CNTN5: variants seen among roughly 807,000 people sequenced by gnomAD.
CNTN5 encodes the protein contactin 5.
A neutral mutation model predicts 129.1 loss-of-function variants in CNTN5; 77 were observed. The ratio of observed to expected loss-of-function variants is 0.60; its 90% CI spans 0.50 to 0.72. The LOEUF (loss-of-function observed/expected upper bound fraction) is 0.72, where lower values mean the gene tolerates loss of function less well. Among genes scored for constraint, CNTN5 ranks in the 30% least tolerant of loss-of-function variants. The pLI is 0.00. For missense variants in CNTN5, 1,478 were observed against 1,328.8 expected (o/e 1.11, Z -1.75); for synonymous variants, 509 against 465.6 (o/e 1.09, Z -1.20).
intron 13 of CNTN5, among the ~76,000 whole-genome samples, chr11:100,134,940 C>G (rs1025875833): frequency 1.3e-5 from 2 of 152,042 alleles, no homozygotes; most frequent in African/African-American, 4.8e-5. Flanking sequence ...ATTAACTCAT[C>G]TTTTTATACT....
At chr11:99,698,059 AGT>A (rs1954348881) in intron 3 of CNTN5, among the ~76,000 whole-genome samples, 1 of 132,106 alleles carries the variant, frequency 7.6e-6, no homozygotes, top group Non-Finnish European at 1.7e-5. Flanking sequence ...TTTATATGTT[AGT>A]GTTTTTTTTT....
intron 3 of CNTN5, among the ~76,000 whole-genome samples, chr11:99,744,543 TAAAAAA>T (rs553540845): frequency 8.0e-4 from 30 of 37,492 alleles, no homozygotes; most frequent in African/African-American, 1.8e-3. Context: ...TACAAAAAGT[TAAAAAA>T]AAAAAAAAAA....
chr11:99,894,815 G>A (rs915737220), intron 6 of CNTN5, among the ~76,000 whole-genome samples: 2 of 152,118 alleles, frequency 1.3e-5, no homozygotes, highest in Admixed American at 6.6e-5. Context: ...AAGTTACGTG[G>A]TTTTGGATTT....
At chr11:99,232,108 C>G (rs1446801794) in intron 1 of CNTN5, among the ~76,000 whole-genome samples, 1 of 152,088 alleles carries the variant, frequency 6.6e-6, no homozygotes, top group Non-Finnish European at 1.5e-5. Flanking sequence ...GCTCTTTTTG[C>G]TTAGGATTGT....
intron 9 of CNTN5, among the ~76,000 whole-genome samples, chr11:100,033,537 C>T (rs1367554921): frequency 6.6e-6 from 1 of 152,216 alleles, no homozygotes; most frequent in Non-Finnish European, 1.5e-5. Context: ...GTCTTCACCT[C>T]TTACCCTTCA....
At chr11:100,156,653 G>T (rs542289459) in intron 13 of CNTN5, among the ~76,000 whole-genome samples, 2 of 151,706 alleles carry the variant, frequency 1.3e-5, no homozygotes, top group South Asian at 4.2e-4. Flanking sequence ...TGGTTGGTAG[G>T]CTATTAATTT....
At chr11:99,723,765 TGTGTGTGCATGC>T (rs1259524968) in intron 3 of CNTN5, among the ~76,000 whole-genome samples, 3 of 152,158 alleles carry the variant, frequency 2.0e-5, no homozygotes, top group Non-Finnish European at 2.9e-5. Flanking sequence ...TGTGTGTATG[TGTGTGTGCATGC>T]GTGTGCATGC....
intron 9 of CNTN5, among the ~76,000 whole-genome samples, chr11:100,028,688 T>C (rs1446492006): frequency 2.0e-5 from 3 of 152,142 alleles, no homozygotes; most frequent in Admixed American, 6.6e-5. Flanking sequence ...CAACTGAAAA[T>C]AGATGGTAGA....
At chr11:99,897,192 C>T (rs184185912) in intron 6 of CNTN5, among the ~76,000 whole-genome samples, 136 of 151,952 alleles carry the variant, frequency 9.0e-4, no homozygotes, top group African/African-American at 3.2e-3. Context: ...TATTGGAATT[C>T]CTAAGAGAGA....
At chr11:100,280,877 G>A (rs1426601430) in intron 18 of CNTN5, among the ~76,000 whole-genome samples, 6 of 151,972 alleles carry the variant, frequency 3.9e-5, no homozygotes, top group Non-Finnish European at 5.9e-5. Flanking sequence ...CACGAGGTTT[G>A]CAAATACTGG....
chr11:99,117,947 C>A (rs747210837), intron 1 of CNTN5, among the ~76,000 whole-genome samples: 2 of 152,232 alleles, frequency 1.3e-5, no homozygotes, highest in South Asian at 2.1e-4. Context: ...GCAGCCCGAG[C>A]GGACTAATAC....
intron 9 of CNTN5, among the ~76,000 whole-genome samples, chr11:100,046,887 T>C (rs931050858): frequency 6.6e-6 from 1 of 151,638 alleles, no homozygotes; most frequent in Non-Finnish European, 1.5e-5. Flanking sequence ...TTAACCATTA[T>C]CCTAGTGTTT....
chr11:99,777,809 A>C (rs1348502654), intron 3 of CNTN5, among the ~76,000 whole-genome samples: 4 of 151,848 alleles, frequency 2.6e-5, no homozygotes, highest in African/African-American at 7.2e-5. Context: ...GATATTTTAT[A>C]GTTTATGGAT....
chr11:99,755,128 C>T (rs953457387), intron 3 of CNTN5, among the ~76,000 whole-genome samples: 9 of 151,908 alleles, frequency 5.9e-5, no homozygotes, highest in Non-Finnish European at 7.4e-5. Context: ...GCCTCACTTG[C>T]GGAATGACAT....
At chr11:100,336,246 G>C (rs1952036826) in intron 21 of CNTN5, among the ~76,000 whole-genome samples, 1 of 151,984 alleles carries the variant, frequency 6.6e-6, no homozygotes, top group African/African-American at 2.4e-5. Context: ...TGGAAAACAG[G>C]GTATATGAAG....
intron 9 of CNTN5, among the ~76,000 whole-genome samples, chr11:100,037,791 A>G (rs1942109584): frequency 6.6e-6 from 1 of 152,032 alleles, no homozygotes; most frequent in Non-Finnish European, 1.5e-5. Context: ...GGTAGTTTGT[A>G]TATCTGTGGG....
chr11:99,862,783 C>A (rs1349549471), intron 6 of CNTN5, among the ~76,000 whole-genome samples: 3 of 152,032 alleles, frequency 2.0e-5, no homozygotes, highest in African/African-American at 7.2e-5. Context: ...TTAATTCTTG[C>A]ATAAATATAA....
intron 15 of CNTN5, among the ~76,000 whole-genome samples, chr11:100,219,303 T>C (rs1468556111): frequency 1.3e-5 from 2 of 152,186 alleles, no homozygotes; most frequent in Non-Finnish European, 2.9e-5. Context: ...ATTAGTAATA[T>C]ACTGAATAAA....
intron 1 of CNTN5, among the ~76,000 whole-genome samples, chr11:99,047,944 CAT>C (rs1368880138): frequency 1.3e-5 from 2 of 151,810 alleles, no homozygotes; most frequent in Admixed American, 6.6e-5. Context: ...ATGTATCTAA[CAT>C]ATTTTCAAAA....
Sources: gnomAD v4.1 joint callset for allele counts (sites outside exome capture counted in the v4.1 genomes callset) on GRCh38, gnomAD v4.1.1 for gene constraint, MANE v1.5 for transcripts, NCBI Gene and HGNC (gene_info 2026-07-23, HGNC 2026-07-21) for gene names.